The following SPIRE2 variants were observed in gnomAD, a reference collection of about 807,000 sequenced individuals.
SPIRE2 encodes spire type actin nucleation factor 2, also known as protein spire homolog 2.
Under a neutral mutation model 80.7 loss-of-function variants are expected in SPIRE2, and 76 were observed. That is an observed-to-expected ratio of 0.94 (90% confidence interval 0.78 to 1.14). The LOEUF (loss-of-function observed/expected upper bound fraction) is 1.14, where lower values mean the gene tolerates loss of function less well. SPIRE2 is among the 50% of genes most tolerant of loss of function. The pLI is 0.00. For synonymous variants in SPIRE2, 535 were observed against 432.6 expected, an observed-to-expected ratio of 1.24 and a Z score of -2.94; for missense variants, 1,196 against 1,015.3, an observed-to-expected ratio of 1.18 and a Z score of -2.42.
chr16:89,854,351 G>A lies in SPIRE2; in HGVS notation c.711G>A (p.Leu237=), dbSNP rs1351840648. 3 of 1,612,488 alleles carry A rather than the reference G, an allele frequency of 1.9e-6. No homozygotes were observed. The highest frequency in any genetic ancestry group is 2.5e-6 in the Non-Finnish European group (3 of 1,179,832). The change falls in exon 4 of 15, where the codon CTG becomes CTA. Residue 237 remains leucine (L), a synonymous_variant. Transcript: ENST00000378247. ...CGCCTCGGGCAGAGCTGGACAGCCT[G>A]GGTCACACAGACTGGGTAAGGCTCA... ...LETPRAELDS[L]GHTDWARLWV...
intron 1 of SPIRE2, among the ~76,000 whole-genome samples, chr16:89,830,808 C>G (rs1374495411): frequency 1.3e-5 from 2 of 150,268 alleles, no homozygotes; most frequent in Non-Finnish European, 3.0e-5. Flanking sequence ...TCTTAGCACA[C>G]AAGTAGTAAT....
At chr16:89,843,298 G>C (rs956067986) in intron 1 of SPIRE2, among the ~76,000 whole-genome samples, 5 of 152,188 alleles carry the variant, frequency 3.3e-5, no homozygotes, top group Non-Finnish European at 5.9e-5. Context: ...TGTGAAACGG[G>C]AAGTGGAGCA....
rs763564628 is a variant in SPIRE2 at position 89,859,280 on chromosome 16, C to A, written c.1388C>A (p.Pro463His). Residue 463 changes from proline (P) to histidine (H), a missense_variant, in exon 9 of 15, where the codon CCC becomes CAC. Physicochemically the swap from Pro to His is moderately conservative, Grantham distance 77. Transcript: ENST00000378247. ...VASGLQSATHPPGGTEPPRPR... is the reference protein window; with the variant it reads ...VASGLQSATHHPGGTEPPRPR... Reference sequence around the variant, plus strand: ...TCTGGCCTGCAGTCGGCCACCCACCCCCCAGGAGGGACGGAGCCACCACGG... The same window carrying A: ...TCTGGCCTGCAGTCGGCCACCCACCACCCAGGAGGGACGGAGCCACCACGG... The A allele has an allele frequency of 2.5e-6, 4 of 1,605,348 alleles. No homozygotes were observed. The East Asian group carries it at 9.0e-5, about 36-fold the overall frequency.
chr16:89,869,980 G>A (rs910766493), intron 14 of SPIRE2, 70 bp from the exon 15 acceptor site: 2 of 1,383,426 alleles, frequency 1.4e-6, no homozygotes, highest in South Asian at 1.3e-5. Context: ...GCTGTGGCAT[G>A]CACAAGCAGG....
At chr16:89,862,149 G>T (rs956916582) in intron 10 of SPIRE2, 1 of 152,070 alleles carries the variant, frequency 6.6e-6, no homozygotes, top group Non-Finnish European at 1.5e-5. Flanking sequence ...GACTACAGGC[G>T]CCCACCACCG....
At chr16:89,849,869 G>T in intron 2 of SPIRE2, 4 of 279,268 alleles carry the variant, frequency 1.4e-5, no homozygotes, top group South Asian at 3.3e-5. Context: ...ACAGAGTCTT[G>T]CTTTGTCACC....
chr16:89,850,777 G>A (rs1294731137), intron 3 of SPIRE2, 117 bp downstream of exon 3: 16 of 694,622 alleles, frequency 2.3e-5, no homozygotes, highest in Non-Finnish European at 3.2e-5. Context: ...TCGTCGGTGC[G>A]ACTGCCGCTG....
At chr16:89,840,735 A>C (rs2041498712) in intron 1 of SPIRE2, among the ~76,000 whole-genome samples, 2 of 146,006 alleles carry the variant, frequency 1.4e-5, no homozygotes, top group African/African-American at 5.1e-5. Flanking sequence ...TCCCAGGTTC[A>C]CGCCATTCTC....
Position 89,861,668 on chromosome 16 carries a change from G to C in SPIRE2, c.1575+873G>C, listed in dbSNP as rs564361852. ...TCTTAGCTGTGTGGCCATGGCTCAG[G>C]GTCTTTCGTGAGGCTGCAGTTAGGA... is the stretch of plus-strand genomic sequence containing the variant. On this transcript the variant is annotated intron_variant, in intron 10 of 14. Coordinates refer to ENST00000378247, the MANE Select transcript of SPIRE2 (RefSeq NM_032451.2). 2.6e-5 allele frequency among the ~76,000 whole-genome samples: 4 copies of C among 152,342 alleles called. No individual in the cohort carries two copies. In the East Asian group the frequency reaches 5.8e-4, roughly 22 times the overall value.
chr16:89,828,625 G>C lies in SPIRE2; in HGVS notation c.75G>C (p.Glu25Asp), dbSNP rs902709434. Residue 25 changes from glutamate to aspartate, a missense_variant, in exon 1 of 15, where the codon GAG becomes GAC. Physicochemically the swap from Glu to Asp is conservative, Grantham distance 45 (BLOSUM62 2). Coordinates refer to ENST00000378247, the MANE Select transcript of SPIRE2 (RefSeq NM_032451.2). This position sits in a 1 kb window ranked among gnomAD's most constrained non-coding sequence, Gnocchi z 5.9. ...CGGAGCCCTGGGAGCTGTCCCTGGA[G>C]GAGGTGCTGAAGGCCTACGAGCAGC... The part of the protein sequence containing the change: ...GRPEPWELSL[E>D]EVLKAYEQPL... The C allele has an allele frequency of 5.2e-6, 7 of 1,335,710 alleles. No homozygotes were observed. In the Admixed American group the frequency reaches 1.3e-4, roughly 25 times the overall value. 82.7% of individuals were successfully genotyped at this position (1,335,710 alleles called of 1,614,324 possible). A position where few individuals can be genotyped will look rare whatever the true frequency, so the allele number is the denominator to read the frequency against.
intron 3 of SPIRE2, 119 bp downstream of exon 3, chr16:89,850,779 C>A (rs1309006255): frequency 1.5e-6 from 1 of 679,822 alleles, no homozygotes; most frequent in Non-Finnish European, 2.3e-6. Flanking sequence ...GTCGGTGCGA[C>A]TGCCGCTGGC....
intron 3 of SPIRE2, among the ~76,000 whole-genome samples, chr16:89,850,923 G>A (rs185759544): frequency 4.0e-5 from 6 of 151,886 alleles, no homozygotes; most frequent in East Asian, 1.9e-4. Context: ...TGCAACCTCC[G>A]CCTCCCAGGT....
At chr16:89,853,041 T>A (rs189877063) in intron 3 of SPIRE2, among the ~76,000 whole-genome samples, 1 of 150,324 alleles carries the variant, frequency 6.7e-6, no homozygotes, top group Non-Finnish European at 1.5e-5. Flanking sequence ...TTCCGTCCTC[T>A]CTCTCAGCTC....
intron 12 of SPIRE2, among the ~76,000 whole-genome samples, chr16:89,867,760 T>C (rs2041802772): frequency 6.6e-6 from 1 of 152,034 alleles, no homozygotes; most frequent in South Asian, 2.1e-4. Context: ...CATTTTTGTA[T>C]TTTTAGTAGA....
In SPIRE2 at chr16:89,863,235, C is replaced by A; in HGVS notation, c.1576-241C>A. ...TGAGGGGAGTTTGTGTGGAGCGTGG[C>A]CAGTGAAGGCTGGGCTGGCCGGCAG... is the stretch of plus-strand genomic sequence containing the variant. On this transcript the variant is annotated intron_variant, in intron 10 of 14. Coordinates refer to ENST00000378247, the MANE Select transcript of SPIRE2 (RefSeq NM_032451.2). This position sits in a 1 kb window ranked among gnomAD's most constrained non-coding sequence, Gnocchi z 4.3. The A allele has an allele frequency of 1.8e-6, 1 of 561,008 alleles. No individual in the cohort carries two copies. The highest frequency in any genetic ancestry group is 3.2e-6 in the Non-Finnish European group (1 of 313,284). The allele number at this position is 561,008 out of a possible 1,614,324, so 34.8% of individuals were successfully genotyped here.
chr16:89,844,884 C>A (rs965006504), intron 1 of SPIRE2, among the ~76,000 whole-genome samples: 1 of 152,218 alleles, frequency 6.6e-6, no homozygotes, highest in Non-Finnish European at 1.5e-5. Context: ...CATCTGGCCT[C>A]CTACTCCACC....
At chr16:89,854,211 C>G in intron 3 of SPIRE2, 75 bp from the exon 4 acceptor site, 1 of 1,390,230 alleles carries the variant, frequency 7.2e-7, no homozygotes, top group Non-Finnish European at 1.0e-6. Flanking sequence ...GTGGTCGTGT[C>G]CCTGACGGAC....
intron 1 of SPIRE2, among the ~76,000 whole-genome samples, chr16:89,835,214 G>A (rs184228878): frequency 6.9e-5 from 10 of 143,954 alleles, no homozygotes; most frequent in African/African-American, 2.1e-4. Context: ...GCCTGCGCTC[G>A]CGGTTGGCCG....
intron 2 of SPIRE2, chr16:89,849,981 G>A (rs1442392033): frequency 7.2e-6 from 3 of 418,642 alleles, no homozygotes; most frequent in Non-Finnish European, 1.4e-5. Flanking sequence ...GGGATTTCAG[G>A]CGTGCACCAC....
Sources: allele counts gnomAD v4.1 joint callset (sites outside exome capture counted in the v4.1 genomes callset), GRCh38; gene constraint gnomAD v4.1.1; non-coding constraint Gnocchi (gnomAD v3.1); transcripts MANE v1.5; gene names NCBI Gene and HGNC (gene_info 2026-07-23, HGNC 2026-07-21).